RBFOX1: variants seen among roughly 807,000 people sequenced by gnomAD.
The protein encoded by RBFOX1 is RNA binding fox-1 homolog 1, also known as RNA binding protein fox-1 homolog 1.
RBFOX1 carries 8 observed loss-of-function variants against 57.7 expected under a neutral mutation model. That is an observed-to-expected ratio of 0.14 (90% CI 0.08 to 0.25). The LOEUF is 0.25. RBFOX1 is among the 10% of genes least tolerant of loss of function. RBFOX1 has a pLI of 1.00. For missense variants in RBFOX1, 611 were observed against 548.5 expected (o/e 1.11, Z -1.14); for synonymous variants, 326 against 222.4 (o/e 1.47, Z -4.15).
At chr16:6,786,919 A>T (rs540401696) in intron 3 of RBFOX1, among the ~76,000 whole-genome samples, 148 of 146,212 alleles carry the variant, frequency 1.0e-3, no homozygotes, top group African/African-American at 3.6e-3. Flanking sequence ...AAAAAAAAAA[A>T]GGCTTATTGA....
chr16:6,602,988 A>G (rs1287028061), intron 2 of RBFOX1, among the ~76,000 whole-genome samples: 2 of 152,160 alleles, frequency 1.3e-5, no homozygotes, highest in African/African-American at 4.8e-5. Context: ...TCTAATCATC[A>G]GTGCACCCAA....
chr16:6,778,864 GTTTTT>G (rs147698093), intron 3 of RBFOX1, among the ~76,000 whole-genome samples: 3 of 148,476 alleles, frequency 2.0e-5, no homozygotes, highest in African/African-American at 7.4e-5. Context: ...ACACACTCTA[GTTTTT>G]TTTTTATTTT....
At chr16:6,242,872 C>A (rs1167495263) in intron 1 of RBFOX1, among the ~76,000 whole-genome samples, 2 of 151,950 alleles carry the variant, frequency 1.3e-5, no homozygotes, top group East Asian at 3.9e-4. Flanking sequence ...GAGTTTTTAA[C>A]CAATGTTAAA....
chr16:5,471,466 A>G (rs771353675), intron 2 of RBFOX1, among the ~76,000 whole-genome samples: 19 of 152,186 alleles, frequency 1.2e-4, no homozygotes, highest in Non-Finnish European at 2.4e-4. Context: ...GAGAGGATCC[A>G]GGTCCCTACC....
chr16:7,433,512 T>G (rs1220313960), intron 4 of RBFOX1, among the ~76,000 whole-genome samples: 1 of 152,084 alleles, frequency 6.6e-6, no homozygotes, highest in Admixed American at 6.6e-5. Flanking sequence ...TACAGACAAA[T>G]GCGCGGTGAA....
At chr16:7,212,049 G>A (rs2152793738) in intron 4 of RBFOX1, among the ~76,000 whole-genome samples, 2 of 152,226 alleles carry the variant, frequency 1.3e-5, no homozygotes, top group Middle Eastern at 3.4e-3. Flanking sequence ...GTGGGGCCAA[G>A]AAGGTTCCTA....
At chr16:5,792,957 G>T (rs1053559607) in intron 3 of RBFOX1, among the ~76,000 whole-genome samples, 1 of 152,216 alleles carries the variant, frequency 6.6e-6, no homozygotes, top group Non-Finnish European at 1.5e-5. Context: ...AGTAGGAGGA[G>T]GAAGAGAAAG....
chr16:7,117,555 C>G (rs1044560326), intron 4 of RBFOX1, among the ~76,000 whole-genome samples: 1 of 152,146 alleles, frequency 6.6e-6, no homozygotes, highest in Non-Finnish European at 1.5e-5. Context: ...TATTAACTTA[C>G]CACAATCTAT....
intron 4 of RBFOX1, among the ~76,000 whole-genome samples, chr16:7,064,105 T>G (rs1344770270): frequency 6.6e-6 from 1 of 151,278 alleles, no homozygotes; most frequent in Non-Finnish European, 1.5e-5. Context: ...TTTAAAAAGA[T>G]AAGTAAGATA....
chr16:7,249,398 C>A (rs972196358), intron 4 of RBFOX1, among the ~76,000 whole-genome samples: 2 of 152,098 alleles, frequency 1.3e-5, no homozygotes, highest in Non-Finnish European at 2.9e-5. Flanking sequence ...CTGGGGACAT[C>A]ACTAGACTTC....
chr16:5,616,223 T>G (rs972419839), intron 3 of RBFOX1: 2 of 152,322 alleles, frequency 1.3e-5, no homozygotes, highest in African/African-American at 4.8e-5. Context: ...ACCTTCGGCT[T>G]CCTGGAACCC....
intron 4 of RBFOX1, among the ~76,000 whole-genome samples, chr16:5,992,982 C>T (rs920352881): frequency 2.0e-5 from 3 of 152,104 alleles, no homozygotes; most frequent in East Asian, 1.9e-4. Flanking sequence ...AGACATCTGC[C>T]GACTTGAGTC....
chr16:6,775,877 C>A (rs1437280026), intron 3 of RBFOX1: 1 of 152,196 alleles, frequency 6.6e-6, no homozygotes, highest in East Asian at 1.9e-4. Flanking sequence ...CTTCCACGAT[C>A]CTCGCTTGGC....
intron 3 of RBFOX1, among the ~76,000 whole-genome samples, chr16:6,878,184 A>G (rs192944510): frequency 4.6e-5 from 7 of 152,234 alleles, no homozygotes; most frequent in Admixed American, 1.3e-4. Context: ...TCCCCAAGCA[A>G]TATATTGTAT....
rs12922696 is a variant in RBFOX1 at position 7,449,729 on chromosome 16, T to C, written c.28-68418T>C. ...AGAAACATGTATGTGTGTGTGTGTG[T>C]GGGGGGGGGGGGTTGTTTTGTTTTG... On this transcript the variant is annotated intron_variant, in intron 4 of 15. Coordinates refer to ENST00000550418, the MANE Select transcript of RBFOX1 (RefSeq NM_018723.4). Among the ~76,000 whole-genome samples, 5 of 76,636 alleles carry C rather than the reference T, an allele frequency of 6.5e-5. 1 individual carries two copies. Among genetic ancestry groups the C allele is most frequent in the Non-Finnish European group, 1.0e-4 (4 of 39,560 alleles). The allele number at this position is 76,636 out of a possible 152,430, so 50.3% of individuals were successfully genotyped here.
rs1568299946 is a variant in RBFOX1 at position 7,653,799 on chromosome 16, T to C, written c.758-16T>C. On this transcript the variant is annotated splice_polypyrimidine_tract_variant and intron_variant, in intron 11 of 15. Transcript: ENST00000550418. ...ACAGCCTGTGCTCTCTCTCTCTCTC[T>C]CCTCTTGCCCCGCAGTGCCAGGCTT... The C allele has an allele frequency of 1.2e-6, 2 of 1,607,580 alleles. No individual in the cohort carries two copies. The highest frequency in any genetic ancestry group is 1.7e-6 in the Non-Finnish European group (2 of 1,179,422).
At chr16:5,850,680 C>G (rs1275585962) in intron 3 of RBFOX1, among the ~76,000 whole-genome samples, 2 of 152,202 alleles carry the variant, frequency 1.3e-5, no homozygotes, top group Non-Finnish European at 2.9e-5. Context: ...GATGAGGAAA[C>G]TGAGGCTCAG....
rs938841671 is a variant in RBFOX1 at position 7,711,884 on chromosome 16, G to A, written c.*1139G>A. 18 of 152,670 alleles carry A rather than the reference G, an allele frequency of 1.2e-4. No individual in the cohort carries two copies. Among genetic ancestry groups the A allele is most frequent in the African/African-American group, 1.9e-4 (8 of 41,558 alleles). 9.5% of individuals were successfully genotyped at this position (152,670 alleles called of 1,614,324 possible). ...TCATCAGCTTGGTACTTTTTGAAAC[G>A]TGACTGCGTTGTGTGAACAATCTGC... On this transcript the variant is annotated 3_prime_UTR_variant, in exon 16 of 16. Transcript: ENST00000550418.
intron 10 of RBFOX1, among the ~76,000 whole-genome samples, chr16:7,615,399 C>G (rs538728339): frequency 5.0e-4 from 76 of 152,142 alleles, no homozygotes; most frequent in African/African-American, 1.8e-3. Context: ...CTGCCACATG[C>G]CAGAGTTCAT....
Sources: gnomAD v4.1 joint callset for allele counts (sites outside exome capture counted in the v4.1 genomes callset) on GRCh38, gnomAD v4.1.1 for gene constraint, MANE v1.5 for transcripts, NCBI Gene and HGNC (gene_info 2026-07-23, HGNC 2026-07-21) for gene names.